Variants in AHI1 observed in about 807,000 individuals in gnomAD.
AHI1 encodes jouberin.
A neutral mutation model predicts 149.3 loss-of-function variants in AHI1; 123 were observed. The observed-to-expected ratio is 0.82, with a 90% CI of 0.71 to 0.96. AHI1 has a LOEUF of 0.96. Ranked by LOEUF, AHI1 falls within the 40% of genes least tolerant of loss-of-function variation. AHI1 has a pLI of 0.00. For missense variants in AHI1, 1,439 were observed against 1,422.7 expected, an observed-to-expected ratio of 1.01 and a Z score of -0.18; for synonymous variants, 475 against 459.8, an observed-to-expected ratio of 1.03 and a Z score of -0.42.
intron 24 of AHI1, among the ~76,000 whole-genome samples, chr6:135,326,710 G>A (rs918788044): frequency 5.9e-5 from 9 of 151,936 alleles, no homozygotes; most frequent in African/African-American, 1.9e-4. Context: ...ACAGGCACCC[G>A]CCACCATGCT....
chr6:135,349,029 AC>A (rs1411164386), intron 24 of AHI1, among the ~76,000 whole-genome samples: 2 of 152,198 alleles, frequency 1.3e-5, no homozygotes, highest in African/African-American at 4.8e-5. Context: ...TCAATAACAA[AC>A]AAAATATCCA....
rs915533669 is a variant in AHI1, at chr6:135,300,956, T to C, written c.3427-398A>G. ...CTTTATAGTATACTCTATATTTTCA[T>C]AGTAATACACATTGATCTGTATGCA... On this transcript the variant is annotated intron_variant, in intron 26 of 28. Transcript: ENST00000265602. 4 of 986,966 alleles carry C rather than the reference T, an allele frequency of 4.1e-6. No homozygotes were observed. In the East Asian group the frequency reaches 4.4e-4, roughly 109 times the overall value. The allele number at this position is 986,966 out of a possible 1,614,324, so 61.1% of individuals were successfully genotyped here. A position where few individuals can be genotyped will look rare whatever the true frequency, so the allele number is the denominator to read the frequency against.
At chr6:135,304,794 C>G in intron 26 of AHI1, among the ~76,000 whole-genome samples, 1 of 152,146 alleles carries the variant, frequency 6.6e-6, no homozygotes, top group East Asian at 1.9e-4. Flanking sequence ...CCATCCTGAT[C>G]ACGATTTGTA....
chr6:135,344,717 T>C (rs1276017376), intron 24 of AHI1, among the ~76,000 whole-genome samples: 1 of 151,562 alleles, frequency 6.6e-6, no homozygotes. Flanking sequence ...TCTCTTTCTT[T>C]CCTTTTCTTT....
chr6:135,461,554 C>T (rs1048226461), intron 8 of AHI1, among the ~76,000 whole-genome samples: 2 of 151,948 alleles, frequency 1.3e-5, no homozygotes, highest in Non-Finnish European at 2.9e-5. Flanking sequence ...TAATCTATGA[C>T]AGCAATTCTA....
chr6:135,357,732 A>G (rs1361329221), intron 24 of AHI1, among the ~76,000 whole-genome samples: 2 of 152,234 alleles, frequency 1.3e-5, no homozygotes, highest in Non-Finnish European at 2.9e-5. Context: ...TTTTAAATAT[A>G]GTGAATAGAT....
In AHI1 at chr6:135,427,226, A is replaced by T. The variant is rs368788993; in HGVS notation, c.2705T>A (p.Val902Asp). 2.5e-6 allele frequency: 4 copies of T among 1,610,686 alleles called. No homozygotes were observed. The highest frequency in any genetic ancestry group is 2.7e-5 in the African/African-American group (2 of 74,794). Residue 902 changes from valine (V) to aspartate (D), a missense_variant, in exon 20 of 29, where the codon GTT becomes GAT. Physicochemically the swap from Val to Asp is radical, Grantham distance 152. Coordinates refer to ENST00000265602, the MANE Select transcript of AHI1 (RefSeq NM_001134831.2). ...DISYHPFENM[V>D]AFCAFGQNEP... is the part of the protein sequence containing the mutation. ...ATTTTGCCCAAATGCACAGAATGCAACCATATTTTCAAATGGATGATAAGA... is the reference window on the plus strand; with the variant it reads ...ATTTTGCCCAAATGCACAGAATGCATCCATATTTTCAAATGGATGATAAGA...
chr6:135,442,429 AC>A (rs1182611042), intron 14 of AHI1, among the ~76,000 whole-genome samples, 152 bp downstream of exon 14: 8 of 152,160 alleles, frequency 5.3e-5, no homozygotes, highest in Admixed American at 3.3e-4. Context: ...TAAAATTATT[AC>A]AAAAGAACTT....
At chr6:135,461,815 T>TA (rs1197385673) in intron 8 of AHI1, among the ~76,000 whole-genome samples, 2 of 151,990 alleles carry the variant, frequency 1.3e-5, no homozygotes, top group Non-Finnish European at 2.9e-5. Context: ...TAACATTGAG[T>TA]AAAAAAAGTC....
rs112651996 is a variant in AHI1 at position 135,375,460 on chromosome 6, G to A, written c.3110-17273C>T. ...TTTAGAAAAAGATTCAAGTACATAC[G>A]GTTTATGAAGAAGAAGAGATGTTTT... is the stretch of plus-strand genomic sequence containing the variant. On this transcript the variant is annotated intron_variant, in intron 23 of 28. Transcript: ENST00000265602. 9.2e-3 allele frequency among the ~76,000 whole-genome samples: 1,404 copies of A among 152,232 alleles called. 20 individuals are homozygous for A. Among genetic ancestry groups the A allele is most frequent in the African/African-American group, 0.031 (1,308 of 41,538 alleles).
intron 5 of AHI1, among the ~76,000 whole-genome samples, chr6:135,488,473 CAG>C (rs1341085481): frequency 6.6e-6 from 1 of 152,118 alleles, no homozygotes; most frequent in Admixed American, 6.5e-5. Flanking sequence ...TTTAAAATTG[CAG>C]AGACTGTGGT....
At chr6:135,476,075 C>T (rs918427424) in intron 5 of AHI1, among the ~76,000 whole-genome samples, 1 of 152,194 alleles carries the variant, frequency 6.6e-6, no homozygotes, top group Admixed American at 6.5e-5. Flanking sequence ...GACCATTCCT[C>T]ATTTTTAATG....
chr6:135,451,635 GC>G (rs1330284985), intron 11 of AHI1, among the ~76,000 whole-genome samples: 2 of 152,004 alleles, frequency 1.3e-5, no homozygotes, highest in Non-Finnish European at 2.9e-5. Context: ...ATTCTTGACT[GC>G]CATTTTTGCC....
chr6:135,421,085 GC>G (rs1365136656), intron 20 of AHI1, among the ~76,000 whole-genome samples: 2 of 152,132 alleles, frequency 1.3e-5, no homozygotes, highest in Non-Finnish European at 2.9e-5. Context: ...GGTGGGTGGG[GC>G]AGTCAGAACA....
intron 5 of AHI1, among the ~76,000 whole-genome samples, chr6:135,472,018 CAAAAAAAAAAAAAAAAAAA>C (rs541390652): frequency 5.5e-5 from 3 of 54,418 alleles, no homozygotes; most frequent in East Asian, 7.5e-4. Context: ...GACTCCGTCT[CAAAAAAAAAAAAAAAAAAA>C]AAAAAAAAAA....
rs137882990 is a variant in AHI1 at position 135,417,755 on chromosome 6, C to T, written c.2765-6211G>A. On this transcript the variant is annotated intron_variant, in intron 20 of 28. Transcript: ENST00000265602. The stretch of plus-strand genomic sequence containing the variant: ...ACCTTTAGTTCTGTGAAGGCAGCCA[C>T]AAAAAAATCTGCAGAAATATTCATA... Among the ~76,000 whole-genome samples the T allele has an allele frequency of 2.0e-3, 309 of 151,920 alleles. 2 individuals are homozygous for T. Among genetic ancestry groups the T allele is most frequent in the African/African-American group, 6.8e-3 (283 of 41,462 alleles).
chr6:135,338,300 C>CAAA (rs199794648), intron 24 of AHI1, among the ~76,000 whole-genome samples: 5 of 94,558 alleles, frequency 5.3e-5, no homozygotes, highest in South Asian at 3.6e-4. Flanking sequence ...AACTCCATCT[C>CAAA]AAAAAAAAAA....
intron 24 of AHI1, among the ~76,000 whole-genome samples, chr6:135,339,370 G>A (rs186083811): frequency 7.2e-5 from 11 of 152,232 alleles, no homozygotes; most frequent in Admixed American, 3.9e-4. Context: ...CCAGATGTTG[G>A]ACTTACTAGA....
At position 135,453,520 on chromosome 6, in the gene AHI1, T is replaced by C. The variant is rs779007664; in HGVS notation, c.1345-84A>G. Reference sequence around the variant, plus strand: ...ATTATTAAAACTTTAAAAAATCATTTGTATAGTGCTTAAAAACATTAACCT... The same window carrying C: ...ATTATTAAAACTTTAAAAAATCATTCGTATAGTGCTTAAAAACATTAACCT... On this transcript the variant is annotated intron_variant, in intron 10 of 28. Coordinates refer to ENST00000265602, the MANE Select transcript of AHI1 (RefSeq NM_001134831.2). 123 of 957,556 alleles carry C rather than the reference T, an allele frequency of 1.3e-4. 1 individual carries two copies. Among genetic ancestry groups the C allele is most frequent in the Admixed American group, 1.6e-4 (6 of 37,786 alleles). The allele number at this position is 957,556 out of a possible 1,614,324, so 59.3% of individuals were successfully genotyped here.
Sources: gnomAD v4.1 joint callset for allele counts (sites outside exome capture counted in the v4.1 genomes callset) on GRCh38, gnomAD v4.1.1 for gene constraint, MANE v1.5 for transcripts, NCBI Gene and HGNC (gene_info 2026-07-23, HGNC 2026-07-21) for gene names.